Variants in WWOX observed in about 807,000 individuals in gnomAD.
WWOX encodes the protein WW domain-containing oxidoreductase.
WWOX carries 69 observed loss-of-function variants against 46.2 expected under a neutral mutation model. That is an observed-to-expected ratio of 1.49 (90% confidence interval 1.23 to 1.82). WWOX has a LOEUF of 1.82. WWOX is among the 40% of genes most tolerant of loss of function. The probability of loss-of-function intolerance (pLI) is 0.00; values close to 1 mark genes in which losing one functional copy is unlikely to be tolerated. For synonymous variants in WWOX, 359 were observed against 202.6 expected (o/e 1.77, Z -6.56); for missense variants, 919 against 542.6 (o/e 1.69, Z -6.89).
intron 8 of WWOX, among the ~76,000 whole-genome samples, chr16:78,784,033 A>G (rs1461998207): frequency 6.6e-6 from 1 of 152,044 alleles, no homozygotes; most frequent in African/African-American, 2.4e-5. Context: ...GATGATAATG[A>G]TGATGATAGT....
intron 8 of WWOX, chr16:78,996,349 G>T (rs1420108857): frequency 1.0e-6 from 1 of 965,626 alleles, no homozygotes; most frequent in Non-Finnish European, 1.2e-6. Context: ...GGATGAAATA[G>T]AAAGAGTGTG....
At chr16:78,641,762 C>G (rs994336938) in intron 8 of WWOX, among the ~76,000 whole-genome samples, 2 of 152,146 alleles carry the variant, frequency 1.3e-5, no homozygotes, top group East Asian at 1.9e-4. Context: ...GACTAATTAC[C>G]TGACAGAGCT....
At chr16:78,440,628 T>TTTTA (rs2083423608) in intron 8 of WWOX, among the ~76,000 whole-genome samples, 1 of 150,564 alleles carries the variant, frequency 6.6e-6, no homozygotes, top group Middle Eastern at 3.4e-3. Context: ...TTTTTTTCTT[T>TTTTA]TTTTTTGAGA....
chr16:78,528,208 G>C (rs555844021), intron 8 of WWOX, among the ~76,000 whole-genome samples: 1 of 131,228 alleles, frequency 7.6e-6, no homozygotes, highest in South Asian at 2.7e-4. Flanking sequence ...TCGAGACAGG[G>C]TTTCACCGTG....
chr16:78,660,600 G>C (rs1211511360), intron 8 of WWOX, among the ~76,000 whole-genome samples: 1 of 151,968 alleles, frequency 6.6e-6, no homozygotes, highest in East Asian at 1.9e-4. Context: ...TGTTTTGCTT[G>C]CCACCAGCTC....
intron 5 of WWOX, among the ~76,000 whole-genome samples, chr16:78,275,173 T>G (rs1005710954): frequency 1.3e-5 from 2 of 151,616 alleles, no homozygotes; most frequent in Middle Eastern, 3.2e-3. Context: ...TGGAGGGGGG[T>G]GGTGAATTCA....
chr16:78,914,793 G>A (rs1218670213), intron 8 of WWOX, among the ~76,000 whole-genome samples: 1 of 151,280 alleles, frequency 6.6e-6, no homozygotes, highest in Non-Finnish European at 1.5e-5. Flanking sequence ...GCAGGAGAAT[G>A]GCGTGAACCC....
intron 8 of WWOX, among the ~76,000 whole-genome samples, chr16:78,852,277 A>G (rs1479518021): frequency 1.3e-5 from 2 of 152,104 alleles, no homozygotes; most frequent in Non-Finnish European, 1.5e-5. Flanking sequence ...TCTGAACAGG[A>G]TTGTCCTGTG....
At chr16:78,410,385 T>G (rs2082651561) in intron 6 of WWOX, among the ~76,000 whole-genome samples, 1 of 152,220 alleles carries the variant, frequency 6.6e-6, no homozygotes, top group African/African-American at 2.4e-5. Context: ...GTTCAGTGGC[T>G]GTGGGGGTTA....
intron 8 of WWOX, among the ~76,000 whole-genome samples, chr16:78,724,413 A>T (rs75968945): frequency 0.029 from 4,440 of 152,260 alleles, 100 homozygotes; most frequent in Non-Finnish European, 0.046. Flanking sequence ...CTTGTTCCAG[A>T]AGAAGTTAAG....
intron 8 of WWOX, among the ~76,000 whole-genome samples, chr16:78,641,333 C>G (rs959682920): frequency 2.0e-5 from 3 of 151,998 alleles, no homozygotes; most frequent in Non-Finnish European, 4.4e-5. Context: ...GAGAAAAAGC[C>G]TTCTTTTTAA....
chr16:78,810,556 T>A (rs910082883), intron 8 of WWOX, among the ~76,000 whole-genome samples: 2 of 152,234 alleles, frequency 1.3e-5, no homozygotes, highest in Non-Finnish European at 2.9e-5. Context: ...AACAACTGAT[T>A]AAAGCATTTC....
intron 8 of WWOX, among the ~76,000 whole-genome samples, chr16:78,951,881 A>G (rs529318736): frequency 6.6e-6 from 1 of 152,268 alleles, no homozygotes; most frequent in African/African-American, 2.4e-5. Flanking sequence ...TCTTCAATGG[A>G]TGTGGGTGAG....
At chr16:78,798,625 C>T (rs1427846413) in intron 8 of WWOX, among the ~76,000 whole-genome samples, 4 of 147,012 alleles carry the variant, frequency 2.7e-5, no homozygotes, top group African/African-American at 7.7e-5. Context: ...TTACAGTGAT[C>T]TTTCCATATA....
At chr16:79,073,925 A>G (rs944358739) in intron 8 of WWOX, among the ~76,000 whole-genome samples, 1 of 151,994 alleles carries the variant, frequency 6.6e-6, no homozygotes, top group Non-Finnish European at 1.5e-5. Context: ...TCCTTTTTCT[A>G]GCAATTCTCA....
intron 8 of WWOX, among the ~76,000 whole-genome samples, chr16:79,023,845 A>G (rs2047584135): frequency 6.6e-6 from 1 of 151,572 alleles, no homozygotes; most frequent in Non-Finnish European, 1.5e-5. Flanking sequence ...AATCCCAGCT[A>G]CTCGGGAGGC....
At chr16:78,763,123 G>A (rs375642882) in intron 8 of WWOX, among the ~76,000 whole-genome samples, 4 of 152,220 alleles carry the variant, frequency 2.6e-5, no homozygotes, top group Non-Finnish European at 5.9e-5. Flanking sequence ...GTAGGCTGTG[G>A]AGATAGGGAG....
intron 8 of WWOX, among the ~76,000 whole-genome samples, chr16:79,043,513 G>C (rs1161681978): frequency 6.6e-6 from 1 of 152,142 alleles, no homozygotes; most frequent in Non-Finnish European, 1.5e-5. Flanking sequence ...GGGTAGACGT[G>C]AGTTCAGGCA....
intron 8 of WWOX, among the ~76,000 whole-genome samples, chr16:78,894,739 T>G (rs1382362339): frequency 1.3e-5 from 2 of 152,064 alleles, no homozygotes; most frequent in Admixed American, 6.6e-5. Context: ...TAAACAAGAT[T>G]GGGAAAGAAG....
Sources: allele counts gnomAD v4.1 joint callset (sites outside exome capture counted in the v4.1 genomes callset), GRCh38; gene constraint gnomAD v4.1.1; transcripts MANE v1.5; gene names NCBI Gene and HGNC (gene_info 2026-07-23, HGNC 2026-07-21).